Variants in SYT3 observed in about 807,000 individuals in gnomAD.
SYT3 encodes synaptotagmin-3.
SYT3 carries 25 observed loss-of-function variants against 50.6 expected under a neutral mutation model. The ratio of observed to expected loss-of-function variants is 0.49; its 90% CI spans 0.36 to 0.69. The LOEUF (loss-of-function observed/expected upper bound fraction) is 0.69. Among genes scored for constraint, SYT3 ranks in the 30% least tolerant of loss-of-function variants. The pLI, the probability that SYT3 is intolerant of heterozygous loss-of-function variation, is 0.00. For synonymous variants in SYT3, 323 were observed against 353.9 expected, an observed-to-expected ratio of 0.91 and a Z score of 0.98; for missense variants, 589 against 793.6, an observed-to-expected ratio of 0.74 and a Z score of 3.10.
At chr19:50,652,835 A>G in the SYT3 span, among the ~76,000 whole-genome samples, 18 of 152,202 alleles carry the variant, frequency 1.2e-4, 1 homozygote, top group Admixed American at 2.0e-4. Flanking sequence ...GGTGAGAGTG[A>G]GGTGAGAGGA....
the SYT3 span, among the ~76,000 whole-genome samples, chr19:50,647,167 G>A: frequency 6.6e-6 from 1 of 152,166 alleles, no homozygotes; most frequent in African/African-American, 2.4e-5. Context: ...TTAATAAAGG[G>A]TAGGTGGAGA....
At chr19:50,641,464 C>T (rs949238305), upstream of SYT3, among the ~76,000 whole-genome samples, 5 of 151,752 alleles carry the variant, frequency 3.3e-5, no homozygotes, top group Admixed American at 2.0e-4. Context: ...CCACCGCGCC[C>T]GGCCTAGCCC....
At chr19:50,635,524 T>C (rs1984468693) in intron 3 of SYT3, among the ~76,000 whole-genome samples, 1 of 152,182 alleles carries the variant, frequency 6.6e-6, no homozygotes, top group Non-Finnish European at 1.5e-5. Flanking sequence ...GTTTGGCCCT[T>C]GATCAGCTCC....
the SYT3 span, among the ~76,000 whole-genome samples, chr19:50,655,219 G>C: frequency 1.3e-5 from 2 of 152,130 alleles, no homozygotes; most frequent in Admixed American, 6.5e-5. Flanking sequence ...GGGGAAAATG[G>C]AGTGCATGGA....
In SYT3 at chr19:50,639,081, C is replaced by G. The variant is rs1984584159; in HGVS notation, c.-72G>C. 2 of 153,512 alleles carry G rather than the reference C, an allele frequency of 1.3e-5. No individual in the cohort carries two copies. Among genetic ancestry groups the G allele is most frequent in the Admixed American group, 1.3e-4 (2 of 15,288 alleles). The allele number at this position is 153,512 out of a possible 1,614,324, so 9.5% of individuals were successfully genotyped here. The stretch of plus-strand genomic sequence containing the variant: ...AGCCGAGGCGGCGGCGGGCGGCAGC[C>G]CATGGGGGTTCTAGGGCGGACAAGG... On this transcript the variant is annotated 5_prime_UTR_variant, in exon 2 of 11. Transcript: ENST00000600079. The surrounding 1 kb of genome is among the most constrained non-coding windows in gnomAD (Gnocchi z 4.6).
the SYT3 span, among the ~76,000 whole-genome samples, chr19:50,646,293 T>C: frequency 1.3e-5 from 2 of 152,086 alleles, no homozygotes; most frequent in Non-Finnish European, 2.9e-5. Context: ...TTGCCTGACA[T>C]TGCACAGCCT....
rs565354717 is a variant in SYT3 at position 50,636,158 on chromosome 19, G to T, written c.148+1106C>A. 2.0e-5 allele frequency among the ~76,000 whole-genome samples: 3 copies of T among 152,258 alleles called. No homozygotes were observed. The South Asian group carries it at 6.2e-4, about 32-fold the overall frequency. ...AATCCTAGCTACTCTGGAGGCTGAGGCAGGAGAATCACTTGAACCTGGGAG... is the reference window on the plus strand; with the variant it reads ...AATCCTAGCTACTCTGGAGGCTGAGTCAGGAGAATCACTTGAACCTGGGAG... On this transcript the variant is annotated intron_variant, in intron 3 of 10. Coordinates refer to ENST00000600079, the MANE Select transcript of SYT3 (RefSeq NM_001160329.2).
intron 4 of SYT3, among the ~76,000 whole-genome samples, chr19:50,630,374 T>G (rs1336610574): frequency 6.6e-6 from 1 of 151,374 alleles, no homozygotes; most frequent in African/African-American, 2.4e-5. Context: ...CTGGGGGGCA[T>G]TCCTTCTCTC....
At position 50,625,074 on chromosome 19, in the gene SYT3, C is replaced by T; in HGVS notation, c.1707+88G>A. ...ACCTAGGACGCCTGGCTCTGCGACT[C>T]ACGAACATGCAGGGCGTTCGTTGCA... On this transcript the variant is annotated intron_variant, in intron 9 of 10. Coordinates refer to ENST00000600079, the MANE Select transcript of SYT3 (RefSeq NM_001160329.2). The surrounding 1 kb of genome is among the most constrained non-coding windows in gnomAD (Gnocchi z 7.5). 7.5e-7 allele frequency: 1 copy of T among 1,331,518 alleles called. No individual in the cohort carries two copies. The highest frequency in any genetic ancestry group is 9.7e-7 in the Non-Finnish European group (1 of 1,026,604). The allele number at this position is 1,331,518 out of a possible 1,614,324, so 82.5% of individuals were successfully genotyped here.
rs775265173 is a variant in SYT3 at position 50,629,954 on chromosome 19, C to T, written c.892G>A (p.Ala298Thr). Reference protein sequence around the residue: ...GPGSGEAGTGAPCGRISFALR... With the variant: ...GPGSGEAGTGTPCGRISFALR... ...GCGAAGCTGATACGGCCACAGGGTG[C>T]CCCTGTGCCTGCCTCTCCAGAGCCT... The change falls in exon 5 of 11, where the codon GCA becomes ACA. Residue 298 changes from alanine to threonine, a missense_variant. This residue lies in a region of SYT3 where 273 missense variants were observed against 439.3 expected (regional missense o/e 0.62). Transcript: ENST00000600079. The T allele has an allele frequency of 7.4e-6, 12 of 1,613,866 alleles. No individual in the cohort carries two copies. The South Asian group carries it at 1.1e-4, about 15-fold the overall frequency.
At chr19:50,655,936 T>C in the SYT3 span, 1 of 992,268 alleles carries the variant, frequency 1.0e-6, no homozygotes, top group South Asian at 1.4e-5. Flanking sequence ...ACTCAACATC[T>C]GGCATACAAG....
At chr19:50,623,439 A>G (rs1346582066) in intron 9 of SYT3, among the ~76,000 whole-genome samples, 1 of 152,010 alleles carries the variant, frequency 6.6e-6, no homozygotes, top group East Asian at 1.9e-4. Flanking sequence ...CCAGTACTAA[A>G]TGTAAATGTG....
Position 50,625,891 on chromosome 19 carries a change from C to T in SYT3, c.1402+6G>A, listed in dbSNP as rs1159715876. On this transcript the variant is annotated splice_donor_region_variant and intron_variant, in intron 7 of 10. Transcript: ENST00000600079. The surrounding 1 kb of genome is among the most constrained non-coding windows in gnomAD (Gnocchi z 7.5). ...AGCCCTCCTCCCTCAGACCCAGGAC[C>T]CTCACCTGAGAAGCCAGTGAGGTCC... 1 of 1,612,742 alleles carries T rather than the reference C, an allele frequency of 6.2e-7. No individual in the cohort carries two copies. Among genetic ancestry groups the T allele is most frequent in the African/African-American group, 1.3e-5 (1 of 74,884 alleles).
the SYT3 span, among the ~76,000 whole-genome samples, chr19:50,653,156 G>C: frequency 3.9e-5 from 6 of 152,088 alleles, no homozygotes; most frequent in Non-Finnish European, 7.4e-5. Flanking sequence ...TCCTGCCTCA[G>C]CCTCCGGAGT....
At chr19:50,651,324 C>T in the SYT3 span, among the ~76,000 whole-genome samples, 1 of 152,200 alleles carries the variant, frequency 6.6e-6, no homozygotes, top group Non-Finnish European at 1.5e-5. Context: ...AAACATCCTT[C>T]TCTCTGTCAC....
At chr19:50,630,222 G>A (rs751635663) in intron 4 of SYT3, 51 bp from the exon 5 acceptor site, 51 of 1,459,196 alleles carry the variant, frequency 3.5e-5, no homozygotes, top group Non-Finnish European at 4.3e-5. Context: ...TCTGATCTTC[G>A]ACTGCATGCA....
the SYT3 span, among the ~76,000 whole-genome samples, chr19:50,652,706 A>G: frequency 5.9e-5 from 9 of 152,128 alleles, no homozygotes; most frequent in African/African-American, 1.7e-4. Flanking sequence ...GACTTTATTC[A>G]TCCCACAGAC....
intron 4 of SYT3, among the ~76,000 whole-genome samples, chr19:50,631,073 A>G (rs1984284320): frequency 6.6e-6 from 1 of 152,010 alleles, no homozygotes; most frequent in African/African-American, 2.4e-5. Flanking sequence ...CCTCAGGACA[A>G]AGTCCCAGAC....
Position 50,637,277 on chromosome 19 carries a change from C to A in SYT3, c.135G>T (p.Arg45=). Residue 45 remains arginine, a synonymous_variant, in exon 3 of 11, where the codon CGG becomes CGT. Coordinates refer to ENST00000600079, the MANE Select transcript of SYT3 (RefSeq NM_001160329.2). This position sits in a 1 kb window ranked among gnomAD's most constrained non-coding sequence, Gnocchi z 4.9. ...AGGGGTGCTGACCTGCATCTGGACC[C>A]CGGGGATAGCCTCGGATTCGGTCAT... ...EFNDRIRGYP[R]GPDADISVSL... 5.6e-6 allele frequency: 9 copies of A among 1,613,274 alleles called. No homozygotes were observed. The highest frequency in any genetic ancestry group is 7.6e-6 in the Non-Finnish European group (9 of 1,179,806).
Sources: allele counts gnomAD v4.1 joint callset (sites outside exome capture counted in the v4.1 genomes callset), GRCh38; gene constraint gnomAD v4.1.1; regional missense constraint gnomAD v4.1.1; non-coding constraint Gnocchi (gnomAD v3.1); transcripts MANE v1.5; gene names NCBI Gene and HGNC (gene_info 2026-07-23, HGNC 2026-07-21).